Variants in CDH23 observed in about 807,000 individuals in gnomAD.
CDH23 encodes cadherin-23.
In CDH23, 189 loss-of-function variants were observed where a neutral mutation model predicts 317.1. That is an observed-to-expected ratio of 0.60 (90% CI 0.53 to 0.67). The LOEUF is 0.67. Among genes scored for constraint, CDH23 ranks in the 30% least tolerant of loss-of-function variants. The probability of loss-of-function intolerance (pLI) is 0.00; values close to 1 mark genes in which losing one functional copy is unlikely to be tolerated. For missense variants in CDH23, 4,401 were observed against 4,592.4 expected (o/e 0.96, Z 1.20); for synonymous variants, 1,839 against 1,876.8 (o/e 0.98, Z 0.52).
intron 3 of CDH23, among the ~76,000 whole-genome samples, chr10:71,486,215 G>A (rs7922462): frequency 0.42 from 63,757 of 152,008 alleles, 15,053 homozygotes; most frequent in African/African-American, 0.64. Context: ...ATTTCCAGAG[G>A]TACTAGTCCC....
At chr10:71,489,155 A>C in intron 3 of CDH23, among the ~76,000 whole-genome samples, 1 of 152,166 alleles carries the variant, frequency 6.6e-6, no homozygotes, top group East Asian at 1.9e-4. Flanking sequence ...CTCAGCCATT[A>C]TCTCTTCAAA....
rs777903388 is a variant in CDH23, at chr10:71,785,741, G to A, written c.5820+3G>A. The A allele has an allele frequency of 7.0e-6, 11 of 1,568,280 alleles. No individual in the cohort carries two copies. The South Asian group carries it at 1.1e-4, about 16-fold the overall frequency. ...AGAATCCACGCATAGCCAGGAGGGTGAGACTGGAGGGCACTGGTGGGAGTG... is the reference window on the plus strand; with the variant it reads ...AGAATCCACGCATAGCCAGGAGGGTAAGACTGGAGGGCACTGGTGGGAGTG... On this transcript the variant is annotated splice_donor_region_variant and intron_variant, in intron 44 of 69. Coordinates refer to ENST00000224721, the MANE Select transcript of CDH23 (RefSeq NM_022124.6).
chr10:71,578,107 G>C, intron 9 of CDH23, 115 bp downstream of exon 9: 1 of 1,021,374 alleles, frequency 9.8e-7, no homozygotes, highest in East Asian at 2.6e-5. Flanking sequence ...ATGTGGGACA[G>C]GGTAGGAGAC....
At chr10:71,608,509 C>T (rs1432932736) in intron 9 of CDH23, among the ~76,000 whole-genome samples, 1 of 152,216 alleles carries the variant, frequency 6.6e-6, no homozygotes, top group Admixed American at 6.5e-5. Flanking sequence ...GGCCCCAACA[C>T]AGGACTAGGC....
chr10:71,598,626 C>T (rs1860015659), intron 9 of CDH23, among the ~76,000 whole-genome samples: 1 of 152,198 alleles, frequency 6.6e-6, no homozygotes, highest in East Asian at 1.9e-4. Context: ...CACCAGGCCA[C>T]GCATCTGTAG....
At chr10:71,577,838 G>C (rs1170006103) in intron 8 of CDH23, 76 bp from the exon 9 acceptor site, 11 of 1,277,916 alleles carry the variant, frequency 8.6e-6, no homozygotes, top group Non-Finnish European at 1.1e-5. Flanking sequence ...GAGGGAAGCT[G>C]TGGGTGCCAT....
chr10:71,626,012 A>AC (rs1331546145), intron 11 of CDH23, among the ~76,000 whole-genome samples: 1 of 152,200 alleles, frequency 6.6e-6, no homozygotes, highest in Non-Finnish European at 1.5e-5. Flanking sequence ...ATCTCAAAAT[A>AC]CCATTTACGC....
intron 14 of CDH23, among the ~76,000 whole-genome samples, chr10:71,665,881 CAAG>C (rs1356200737): frequency 6.6e-6 from 1 of 152,214 alleles, no homozygotes; most frequent in Non-Finnish European, 1.5e-5. Context: ...TTCTCACTCT[CAAG>C]GAGCAGAGAG....
intron 38 of CDH23, among the ~76,000 whole-genome samples, chr10:71,777,190 A>G (rs974981440): frequency 2.6e-5 from 4 of 152,250 alleles, no homozygotes; most frequent in African/African-American, 9.6e-5. Flanking sequence ...TATTTCTTTC[A>G]TTTACATGAA....
At chr10:71,615,641 C>T (rs770581441) in intron 10 of CDH23, 25 bp downstream of exon 10, 5 of 1,532,898 alleles carry the variant, frequency 3.3e-6, no homozygotes, top group Non-Finnish European at 4.5e-6. Context: ...GGCACCTTCA[C>T]CCCAGGTAGA....
intron 22 of CDH23, among the ~76,000 whole-genome samples, chr10:71,696,054 G>A (rs1865377850): frequency 6.6e-6 from 1 of 152,218 alleles, no homozygotes; most frequent in Non-Finnish European, 1.5e-5. Flanking sequence ...CCCTGTGTGT[G>A]TTGTGTGCTC....
At chr10:71,552,749 T>A (rs1459311102) in intron 6 of CDH23, among the ~76,000 whole-genome samples, 1 of 152,128 alleles carries the variant, frequency 6.6e-6, no homozygotes, top group African/African-American at 2.4e-5. Flanking sequence ...AAAGCTTTGA[T>A]TCTTGTCCAG....
rs540545605 is a variant in CDH23 at position 71,646,924 on chromosome 10, T to G, written c.1449+307T>G. 3,079 of 1,409,912 alleles carry G rather than the reference T, an allele frequency of 2.2e-3. 8 individuals are homozygous for G. Among genetic ancestry groups the G allele is most frequent in the Middle Eastern group, 3.1e-3 (12 of 3,818 alleles). The allele number at this position is 1,409,912 out of a possible 1,614,324, so 87.3% of individuals were successfully genotyped here. On this transcript the variant is annotated intron_variant, in intron 14 of 69. Coordinates refer to ENST00000224721, the MANE Select transcript of CDH23 (RefSeq NM_022124.6). ...TGGGCTGGGAGCCCTGGAAGCCCCC[T>G]CAAATGGGTGGGAAGGTGCCAGCCA...
intron 3 of CDH23, among the ~76,000 whole-genome samples, chr10:71,476,142 C>A (rs865922768): frequency 6.6e-6 from 1 of 152,230 alleles, no homozygotes; most frequent in East Asian, 1.9e-4. Flanking sequence ...TTAAATAGGG[C>A]ATCAACAATG....
chr10:71,401,567 C>T (rs1175348789), intron 1 of CDH23, among the ~76,000 whole-genome samples: 1 of 152,172 alleles, frequency 6.6e-6, no homozygotes, highest in Non-Finnish European at 1.5e-5. Context: ...GAATGTCCAC[C>T]TTGCTGTACT....
chr10:71,636,937 G>A (rs1862304527), intron 11 of CDH23, among the ~76,000 whole-genome samples: 2 of 152,120 alleles, frequency 1.3e-5, no homozygotes, highest in Admixed American at 6.5e-5. Context: ...AGTCAGAAAC[G>A]GAAGCAGTGT....
At chr10:71,518,504 T>C (rs1854469741) in intron 6 of CDH23, among the ~76,000 whole-genome samples, 3 of 152,150 alleles carry the variant, frequency 2.0e-5, no homozygotes, top group African/African-American at 7.2e-5. Context: ...GCTGGCTGTC[T>C]GCAGTGAGGA....
At chr10:71,468,886 T>C (rs1046268609) in intron 3 of CDH23, among the ~76,000 whole-genome samples, 4 of 152,080 alleles carry the variant, frequency 2.6e-5, no homozygotes, top group Admixed American at 2.0e-4. Context: ...CAGGACACCC[T>C]CCTCCTCCCT....
chr10:71,476,558 T>G (rs763692587), intron 3 of CDH23, among the ~76,000 whole-genome samples: 4 of 152,170 alleles, frequency 2.6e-5, no homozygotes, highest in Non-Finnish European at 4.4e-5. Flanking sequence ...GGAAAACCAC[T>G]GACTTGGCCA....
Sources: gnomAD v4.1 joint callset for allele counts (sites outside exome capture counted in the v4.1 genomes callset) on GRCh38, gnomAD v4.1.1 for gene constraint, MANE v1.5 for transcripts, NCBI Gene and HGNC (gene_info 2026-07-23, HGNC 2026-07-21) for gene names.